DSCAM: variants seen among roughly 807,000 people sequenced by gnomAD.
The protein encoded by DSCAM is cell adhesion molecule DSCAM.
DSCAM carries 47 observed loss-of-function variants against 217.7 expected under a neutral mutation model. The ratio of observed to expected loss-of-function variants is 0.22; its 90% CI spans 0.17 to 0.28. The LOEUF (loss-of-function observed/expected upper bound fraction) is 0.28, where lower values mean the gene tolerates loss of function less well. DSCAM is among the 10% of genes least tolerant of loss of function. DSCAM has a pLI of 1.00. For synonymous variants in DSCAM, 1,056 were observed against 1,015.3 expected (o/e 1.04, Z -0.76); for missense variants, 2,080 against 2,618.3 (o/e 0.79, Z 4.49).
chr21:40,671,978 A>G (rs2090281752), intron 3 of DSCAM, among the ~76,000 whole-genome samples: 2 of 152,090 alleles, frequency 1.3e-5, no homozygotes, highest in Non-Finnish European at 2.9e-5. Flanking sequence ...GTCCGAAATC[A>G]AGTTTCCAGC....
rs2074988784 is a variant in DSCAM at position 40,378,594 on chromosome 21, T to A, written c.509-9349A>T. ...TTTTTTTTTTTTTTTTTTTTTTTTT[T>A]TTTTTTTTTTTTTTTGAGACGGAGT... On this transcript the variant is annotated intron_variant, in intron 3 of 32. Transcript: ENST00000400454. 3.2e-4 allele frequency among the ~76,000 whole-genome samples: 13 copies of A among 40,390 alleles called. 2 individuals are homozygous for A. Among genetic ancestry groups the A allele is most frequent in the African/African-American group, 1.0e-3 (10 of 9,646 alleles). 26.5% of individuals were successfully genotyped at this position (40,390 alleles called of 152,430 possible).
intron 3 of DSCAM, among the ~76,000 whole-genome samples, chr21:40,517,501 G>A (rs774129761): frequency 4.6e-5 from 7 of 151,508 alleles, no homozygotes; most frequent in Non-Finnish European, 1.0e-4. Context: ...AACATTGTTA[G>A]GGTCTCATTT....
chr21:40,309,331 G>A (rs2074113549), intron 9 of DSCAM, among the ~76,000 whole-genome samples: 1 of 152,116 alleles, frequency 6.6e-6, no homozygotes, highest in Admixed American at 6.5e-5. Flanking sequence ...CTAAACCAGT[G>A]ACCAACTCTT....
In DSCAM at chr21:40,129,084, T is replaced by C. The variant is rs747696095; in HGVS notation, c.3563-4756A>G. ...CAGTCAGCTTCATTTTTTTTCACCATCATTTTTCTGGTCTTAGTAAACAGC... is the reference window on the plus strand; with the variant it reads ...CAGTCAGCTTCATTTTTTTTCACCACCATTTTTCTGGTCTTAGTAAACAGC... On this transcript the variant is annotated intron_variant, in intron 19 of 32. Coordinates refer to ENST00000400454, the MANE Select transcript of DSCAM (RefSeq NM_001389.5). Among the ~76,000 whole-genome samples the C allele has an allele frequency of 1.1e-4, 17 of 152,152 alleles. 1 individual carries two copies. The highest frequency in any genetic ancestry group is 1.7e-4 in the African/African-American group (7 of 41,446).
At chr21:40,065,892 G>A (rs2146526048) in intron 27 of DSCAM, among the ~76,000 whole-genome samples, 1 of 152,314 alleles carries the variant, frequency 6.6e-6, no homozygotes, top group South Asian at 2.1e-4. Flanking sequence ...CATTAGCACA[G>A]AGAACCCACC....
chr21:40,784,242 G>A (rs189082233), intron 1 of DSCAM, among the ~76,000 whole-genome samples: 23 of 152,168 alleles, frequency 1.5e-4, no homozygotes, highest in Non-Finnish European at 2.5e-4. Flanking sequence ...TCATGGGGGC[G>A]GTTTCCCCTA....
intron 1 of DSCAM, among the ~76,000 whole-genome samples, chr21:40,734,916 G>C (rs1382075075): frequency 6.6e-6 from 1 of 152,176 alleles, no homozygotes; most frequent in East Asian, 1.9e-4. Context: ...TGTGCTTTTG[G>C]AAGAGAAGAG....
At chr21:40,154,718 C>T (rs143846245) in intron 16 of DSCAM, among the ~76,000 whole-genome samples, 2 of 152,232 alleles carry the variant, frequency 1.3e-5, no homozygotes, top group African/African-American at 4.8e-5. Flanking sequence ...GTCCACATTT[C>T]ATGAAATAGA....
intron 3 of DSCAM, among the ~76,000 whole-genome samples, chr21:40,539,510 G>GA (rs149520472): frequency 0.035 from 5,039 of 144,014 alleles, 284 homozygotes; most frequent in African/African-American, 0.12. Context: ...AAAAGAAAAA[G>GA]AAAAAAAAAA....
chr21:40,764,218 G>T (rs1182561699), intron 1 of DSCAM, among the ~76,000 whole-genome samples: 2 of 149,752 alleles, frequency 1.3e-5, no homozygotes, highest in East Asian at 2.0e-4. Flanking sequence ...TAATATCCAG[G>T]ATCTACAGGG....
intron 3 of DSCAM, among the ~76,000 whole-genome samples, chr21:40,570,848 T>G (rs2146203040): frequency 6.6e-6 from 1 of 151,566 alleles, no homozygotes; most frequent in African/African-American, 2.4e-5. Flanking sequence ...AAATTAAACA[T>G]GAAAAAAATA....
At chr21:40,278,115 TAAAAAG>T (rs2077880628) in intron 10 of DSCAM, among the ~76,000 whole-genome samples, 2 of 151,856 alleles carry the variant, frequency 1.3e-5, no homozygotes, top group South Asian at 2.1e-4. Flanking sequence ...GAATAAAAAT[TAAAAAG>T]AAAATATATT....
intron 3 of DSCAM, among the ~76,000 whole-genome samples, chr21:40,532,909 T>TGC (rs1555852212): frequency 7.0e-5 from 8 of 113,816 alleles, no homozygotes; most frequent in East Asian, 3.0e-4. Flanking sequence ...TGTGTGTGTG[T>TGC]GCACACGCAC....
At chr21:40,830,666 T>C (rs1198463359) in intron 1 of DSCAM, among the ~76,000 whole-genome samples, 1 of 152,180 alleles carries the variant, frequency 6.6e-6, no homozygotes, top group Non-Finnish European at 1.5e-5. Flanking sequence ...AAGTCTTGAA[T>C]TTCCGCAAGT....
chr21:40,405,904 T>G (rs2075275919), intron 3 of DSCAM, among the ~76,000 whole-genome samples: 1 of 151,982 alleles, frequency 6.6e-6, no homozygotes, highest in Admixed American at 6.6e-5. Flanking sequence ...GGGCAAGGCA[T>G]GAGAATCGCT....
chr21:40,338,977 A>G (rs2074458149), intron 7 of DSCAM, 142 bp downstream of exon 7: 3 of 1,051,040 alleles, frequency 2.9e-6, no homozygotes, highest in Non-Finnish European at 4.1e-6. Context: ...GCCATTCCTG[A>G]GTAGGAAGGA....
At chr21:40,497,770 A>C (rs1044517741) in intron 3 of DSCAM, among the ~76,000 whole-genome samples, 23 of 152,376 alleles carry the variant, frequency 1.5e-4, no homozygotes, top group African/African-American at 5.0e-4. Context: ...AAATTGTTTA[A>C]AAAATAAAGT....
At chr21:40,486,462 G>GA (rs1226128436) in intron 3 of DSCAM, among the ~76,000 whole-genome samples, 1 of 150,234 alleles carries the variant, frequency 6.7e-6, no homozygotes, top group Admixed American at 6.7e-5. Context: ...AGGAAGGAAG[G>GA]AAAGAAGAAA....
At chr21:40,618,271 A>G (rs1013907170) in intron 3 of DSCAM, among the ~76,000 whole-genome samples, 1 of 152,214 alleles carries the variant, frequency 6.6e-6, no homozygotes, top group Non-Finnish European at 1.5e-5. Context: ...TACATTTTAA[A>G]ATGTTACTGG....
Sources: allele counts gnomAD v4.1 joint callset (sites outside exome capture counted in the v4.1 genomes callset), GRCh38; gene constraint gnomAD v4.1.1; transcripts MANE v1.5; gene names NCBI Gene and HGNC (gene_info 2026-07-23, HGNC 2026-07-21).